Variants in STPG2 observed in about 807,000 individuals in gnomAD.
STPG2 encodes sperm tail PG-rich repeat containing 2, also known as sperm-tail PG-rich repeat-containing protein 2.
A neutral mutation model predicts 54.2 loss-of-function variants in STPG2; 56 were observed. That is an observed-to-expected ratio of 1.03 (90% CI 0.83 to 1.29). The LOEUF (loss-of-function observed/expected upper bound fraction) is 1.29. Ranked by LOEUF, STPG2 falls within the 50% of genes most tolerant of loss-of-function variation. The pLI, the probability that STPG2 is intolerant of heterozygous loss-of-function variation, is 0.00. For missense variants in STPG2, 596 were observed against 544.9 expected, an observed-to-expected ratio of 1.09 and a Z score of -0.93; for synonymous variants, 200 against 181.8, an observed-to-expected ratio of 1.10 and a Z score of -0.81.
chr4:97,970,565 T>C (rs1734288862), intron 7 of STPG2, among the ~76,000 whole-genome samples: 1 of 152,158 alleles, frequency 6.6e-6, no homozygotes, highest in African/African-American at 2.4e-5. Context: ...GGGGAAAGGA[T>C]TCCCTATTTA....
At chr4:97,888,747 G>T (rs1325848127) in intron 8 of STPG2, among the ~76,000 whole-genome samples, 1 of 151,986 alleles carries the variant, frequency 6.6e-6, no homozygotes, top group Non-Finnish European at 1.5e-5. Context: ...ACTTGGGAGG[G>T]GACAGAGGTG....
At chr4:97,896,344 C>T (rs575370572) in intron 8 of STPG2, among the ~76,000 whole-genome samples, 45 of 151,744 alleles carry the variant, frequency 3.0e-4, no homozygotes, top group African/African-American at 1.1e-3. Flanking sequence ...CAAACTGAAG[C>T]AAACATGTCA....
At chr4:97,548,969 A>T (rs1206969911) in intron 4 of STPG2, among the ~76,000 whole-genome samples, 4 of 152,274 alleles carry the variant, frequency 2.6e-5, no homozygotes, top group African/African-American at 9.6e-5. Context: ...TTTTATTGTG[A>T]TATTTTATTA....
intron 3 of STPG2, among the ~76,000 whole-genome samples, chr4:98,110,116 T>A (rs1739302899): frequency 6.6e-6 from 1 of 152,146 alleles, no homozygotes; most frequent in Admixed American, 6.6e-5. Flanking sequence ...ACATATAGTT[T>A]AACAATGTGT....
chr4:98,030,142 G>A (rs1578796822), intron 5 of STPG2, among the ~76,000 whole-genome samples: 1 of 152,242 alleles, frequency 6.6e-6, no homozygotes, highest in Admixed American at 6.5e-5. Flanking sequence ...AATCTAATCA[G>A]CATAATGCCA....
intron 5 of STPG2, among the ~76,000 whole-genome samples, chr4:98,095,444 GCA>G (rs1738828368): frequency 6.6e-6 from 1 of 152,090 alleles, no homozygotes; most frequent in Admixed American, 6.6e-5. Context: ...CTATAAAGAT[GCA>G]CAGAGACTGA....
chr4:97,780,936 G>A (rs897032101), intron 9 of STPG2, among the ~76,000 whole-genome samples: 2 of 152,004 alleles, frequency 1.3e-5, no homozygotes, highest in African/African-American at 4.8e-5. Flanking sequence ...AAAGCAGTGG[G>A]TAGAGGGAAA....
chr4:97,651,968 G>C (rs554851361), intron 10 of STPG2, among the ~76,000 whole-genome samples: 2 of 151,892 alleles, frequency 1.3e-5, no homozygotes, highest in Non-Finnish European at 2.9e-5. Flanking sequence ...TGTGAATATA[G>C]TTATGCTAAA....
At chr4:97,869,376 T>C (rs1729901978) in intron 8 of STPG2, among the ~76,000 whole-genome samples, 1 of 151,524 alleles carries the variant, frequency 6.6e-6, no homozygotes. Context: ...AGTTACAGAG[T>C]TCTACAGAGC....
chr4:97,773,918 G>A (rs1205363541), intron 9 of STPG2, among the ~76,000 whole-genome samples: 1 of 151,976 alleles, frequency 6.6e-6, no homozygotes, highest in Non-Finnish European at 1.5e-5. Context: ...GTGAGGCTGA[G>A]GAGGGAGGAT....
chr4:97,980,587 G>C (rs1302421550), intron 6 of STPG2, among the ~76,000 whole-genome samples: 4 of 152,134 alleles, frequency 2.6e-5, no homozygotes, highest in Non-Finnish European at 4.4e-5. Context: ...TTGAATAACA[G>C]ACCCATCTGA....
intron 8 of STPG2, among the ~76,000 whole-genome samples, chr4:97,905,364 T>A (rs994715435): frequency 4.6e-5 from 7 of 151,880 alleles, no homozygotes; most frequent in Non-Finnish European, 8.8e-5. Context: ...CTAAGCTTCA[T>A]AAGTGAAGGA....
chr4:98,042,777 C>A (rs1258365033), intron 5 of STPG2, among the ~76,000 whole-genome samples: 1 of 151,850 alleles, frequency 6.6e-6, no homozygotes, highest in African/African-American at 2.4e-5. Flanking sequence ...TGTATATATT[C>A]TGCAGTTATT....
chr4:98,128,324 G>A (rs572986533), intron 3 of STPG2, 104 bp downstream of exon 3: 67 of 1,082,984 alleles, frequency 6.2e-5, no homozygotes, highest in Middle Eastern at 3.3e-4. Context: ...TAACTAAAAC[G>A]TGTAATCATT....
At chr4:97,897,789 T>C (rs758141324) in intron 8 of STPG2, among the ~76,000 whole-genome samples, 5 of 152,226 alleles carry the variant, frequency 3.3e-5, no homozygotes, top group African/African-American at 7.2e-5. Flanking sequence ...AAGTTCCTTA[T>C]AGATGCTGGA....
At chr4:97,688,923 C>T (rs952761090) in intron 10 of STPG2, among the ~76,000 whole-genome samples, 5 of 152,078 alleles carry the variant, frequency 3.3e-5, no homozygotes, top group African/African-American at 9.7e-5. Flanking sequence ...ATATACATAG[C>T]ATTTTTAGAA....
chr4:97,886,625 G>A (rs910237292), intron 8 of STPG2, among the ~76,000 whole-genome samples: 1 of 152,148 alleles, frequency 6.6e-6, no homozygotes, highest in Non-Finnish European at 1.5e-5. Flanking sequence ...AAAAGACTAT[G>A]CCTTCTTTTT....
chr4:97,854,330 AAT>A (rs1385076426), intron 8 of STPG2, among the ~76,000 whole-genome samples: 2 of 151,982 alleles, frequency 1.3e-5, no homozygotes, highest in Non-Finnish European at 2.9e-5. Context: ...TCATCTGTAA[AAT>A]GAGTCTAATA....
At chr4:97,530,353 G>A (rs1172970928) in intron 4 of STPG2, among the ~76,000 whole-genome samples, 1 of 152,144 alleles carries the variant, frequency 6.6e-6, no homozygotes, top group African/African-American at 2.4e-5. Flanking sequence ...AGGTTATGCT[G>A]TACTGTGTAA....
Sources: gnomAD v4.1 joint callset for allele counts (sites outside exome capture counted in the v4.1 genomes callset) on GRCh38, gnomAD v4.1.1 for gene constraint, MANE v1.5 for transcripts, NCBI Gene and HGNC (gene_info 2026-07-23, HGNC 2026-07-21) for gene names.